NEXMIF: variants seen among roughly 807,000 people sequenced by gnomAD.
NEXMIF encodes XLMR protein related to neurite extension.
Under a neutral mutation model 62.1 loss-of-function variants are expected in NEXMIF, and 8 were observed. The ratio of observed to expected loss-of-function variants is 0.13; its 90% CI spans 0.08 to 0.23. The LOEUF (loss-of-function observed/expected upper bound fraction) is 0.23, where lower values mean the gene tolerates loss of function less well. Ranked by LOEUF, NEXMIF falls within the 10% of genes least tolerant of loss-of-function variation. The pLI, the probability that NEXMIF is intolerant of heterozygous loss-of-function variation, is 1.00. For synonymous variants in NEXMIF, 404 were observed against 416.6 expected (o/e 0.97, Z 0.37); for missense variants, 976 against 1,113.3 (o/e 0.88, Z 1.75).
intron 1 of NEXMIF, among the ~76,000 whole-genome samples, chrX:74,800,328 C>T (rs2147470142): frequency 9.0e-6 from 1 of 111,540 alleles, no homozygotes; most frequent in Admixed American, 9.5e-5. Context: ...GAAAATAATG[C>T]CCTTGCGTGC....
intron 1 of NEXMIF, among the ~76,000 whole-genome samples, chrX:74,825,082 C>G (rs1042055848): frequency 9.0e-6 from 1 of 111,574 alleles, no homozygotes; most frequent in Admixed American, 9.5e-5. Context: ...TGGATAATAG[C>G]TATTTTGATG....
intron 3 of NEXMIF, 70 bp from the exon 4 acceptor site, chrX:74,739,568 A>C (rs1267660084): frequency 1.1e-5 from 7 of 656,713 alleles, no homozygotes; most frequent in Middle Eastern, 3.0e-4. Flanking sequence ...GGGATCATAC[A>C]AGCTAAATTT....
At chrX:74,795,799 C>T (rs1314797945) in intron 1 of NEXMIF, among the ~76,000 whole-genome samples, 2 of 109,679 alleles carry the variant, frequency 1.8e-5, no homozygotes, top group Admixed American at 2.0e-4. Context: ...GAAGGGGGTA[C>T]GAAGCTGATT....
chrX:74,764,396 C>T (rs930709337), intron 1 of NEXMIF, among the ~76,000 whole-genome samples: 1 of 111,695 alleles, frequency 9.0e-6, no homozygotes, highest in Non-Finnish European at 1.9e-5. Context: ...ATTTTTGAAT[C>T]AATGTTCATC....
chrX:74,891,162 A>T (rs1278693592), intron 1 of NEXMIF, among the ~76,000 whole-genome samples: 1 of 111,361 alleles, frequency 9.0e-6, no homozygotes, highest in Non-Finnish European at 1.9e-5. Context: ...CCTTCCTTAA[A>T]ACTCTTGCTC....
intron 2 of NEXMIF, among the ~76,000 whole-genome samples, chrX:74,744,930 C>CCTCTCTCT (rs749595584): frequency 0.53 from 46,027 of 86,156 alleles, 11,287 homozygotes; most frequent in Middle Eastern, 0.76. Context: ...TTCTCTCTCT[C>CCTCTCTCT]CTCTCTCTCT....
At chrX:74,860,469 C>T (rs1020903041) in intron 1 of NEXMIF, among the ~76,000 whole-genome samples, 1 of 111,993 alleles carries the variant, frequency 8.9e-6, no homozygotes, top group African/African-American at 3.2e-5. Context: ...TTTTCTTCAG[C>T]ACATGAATAT....
At chrX:74,893,906 T>C (rs772942216) in intron 1 of NEXMIF, among the ~76,000 whole-genome samples, 1 of 111,725 alleles carries the variant, frequency 9.0e-6, no homozygotes, top group African/African-American at 3.3e-5. Flanking sequence ...AATCCTTTTG[T>C]GGGTGAGGGA....
At chrX:74,847,294 G>T (rs2147492314) in intron 1 of NEXMIF, among the ~76,000 whole-genome samples, 1 of 111,735 alleles carries the variant, frequency 8.9e-6, no homozygotes, top group Non-Finnish European at 1.9e-5. Flanking sequence ...ACTCAGCCTG[G>T]GCTTCACGAG....
At chrX:74,768,678 T>C (rs1254967150) in intron 1 of NEXMIF, among the ~76,000 whole-genome samples, 1 of 111,930 alleles carries the variant, frequency 8.9e-6, no homozygotes, top group Non-Finnish European at 1.9e-5. Context: ...AAGCAGTGGC[T>C]GGGCAAAACT....
chrX:74,837,685 G>A (rs2147487685), intron 1 of NEXMIF, among the ~76,000 whole-genome samples: 1 of 111,831 alleles, frequency 8.9e-6, no homozygotes, highest in South Asian at 3.8e-4. Flanking sequence ...GCAAACACCA[G>A]AGAAGAGCTG....
At chrX:74,889,943 A>C in intron 1 of NEXMIF, among the ~76,000 whole-genome samples, 1 of 95,511 alleles carries the variant, frequency 1.0e-5, no homozygotes, top group Non-Finnish European at 2.0e-5. Flanking sequence ...CCTAATCCTA[A>C]CCTAATCTGT....
intron 1 of NEXMIF, among the ~76,000 whole-genome samples, chrX:74,895,379 T>C (rs1301686984): frequency 1.8e-5 from 2 of 111,913 alleles, no homozygotes; most frequent in African/African-American, 6.5e-5. Context: ...AAAATGTGCA[T>C]ACTACTCAAA....
At chrX:74,879,006 C>A (rs188847669) in intron 1 of NEXMIF, among the ~76,000 whole-genome samples, 27 of 112,423 alleles carry the variant, frequency 2.4e-4, no homozygotes, top group Admixed American at 2.0e-3. Context: ...GCCATCTTGG[C>A]TCCTCCCTCG....
intron 1 of NEXMIF, among the ~76,000 whole-genome samples, chrX:74,791,038 C>CGT (rs2080280390): frequency 9.0e-6 from 1 of 110,760 alleles, no homozygotes; most frequent in African/African-American, 3.3e-5. Context: ...TGAGAGACGG[C>CGT]ATCCCTGTCT....
intron 1 of NEXMIF, among the ~76,000 whole-genome samples, chrX:74,759,425 T>C (rs1285340328): frequency 8.9e-6 from 1 of 112,495 alleles, no homozygotes; most frequent in East Asian, 2.8e-4. Context: ...GCTTTTGTTA[T>C]GGTTGCTTTT....
At chrX:74,756,441 G>A (rs1035912153) in intron 1 of NEXMIF, among the ~76,000 whole-genome samples, 2 of 111,143 alleles carry the variant, frequency 1.8e-5, no homozygotes, top group African/African-American at 6.6e-5. Flanking sequence ...AAACACACGT[G>A]TTAATAAGGC....
At chrX:74,871,605 C>T (rs2080601123) in intron 1 of NEXMIF, among the ~76,000 whole-genome samples, 1 of 110,982 alleles carries the variant, frequency 9.0e-6, no homozygotes, top group African/African-American at 3.3e-5. Flanking sequence ...CCAGAGCAGC[C>T]ATCTATAGAC....
intron 1 of NEXMIF, among the ~76,000 whole-genome samples, chrX:74,820,920 T>A (rs746427661): frequency 9.0e-6 from 1 of 111,164 alleles, no homozygotes; most frequent in South Asian, 3.8e-4. Context: ...AGTACTATGT[T>A]CACTGCCTGG....
Sources: allele counts gnomAD v4.1 joint callset (sites outside exome capture counted in the v4.1 genomes callset), GRCh38; gene constraint gnomAD v4.1.1; transcripts MANE v1.5; gene names NCBI Gene and HGNC (gene_info 2026-07-23, HGNC 2026-07-21).